The following SPATA18 variants were observed in gnomAD, a reference collection of about 807,000 sequenced individuals.
SPATA18 encodes the protein spermatogenesis associated 18.
In SPATA18, 54 loss-of-function variants were observed where a neutral mutation model predicts 68.1. The ratio of observed to expected loss-of-function variants is 0.79; its 90% CI spans 0.64 to 0.99. The LOEUF (loss-of-function observed/expected upper bound fraction) is 0.99. Ranked by LOEUF, SPATA18 falls within the 50% of genes least tolerant of loss-of-function variation. The pLI, the probability that SPATA18 is intolerant of heterozygous loss-of-function variation, is 0.00. For missense variants in SPATA18, 724 were observed against 681.1 expected, an observed-to-expected ratio of 1.06 and a Z score of -0.70; for synonymous variants, 242 against 244.8, an observed-to-expected ratio of 0.99 and a Z score of 0.11.
At chr4:52,052,291 C>T (rs1560576687) in intron 1 of SPATA18, among the ~76,000 whole-genome samples, 1 of 152,118 alleles carries the variant, frequency 6.6e-6, no homozygotes, top group Non-Finnish European at 1.5e-5. Context: ...ATCAGCGAAA[C>T]GGACACTTGT....
chr4:52,079,271 G>A (rs766148561), intron 8 of SPATA18, among the ~76,000 whole-genome samples: 4 of 152,074 alleles, frequency 2.6e-5, no homozygotes, highest in Non-Finnish European at 4.4e-5. Flanking sequence ...CCTTAAGTGG[G>A]AGTAACACTG....
chr4:52,065,129 G>A, intron 4 of SPATA18, among the ~76,000 whole-genome samples: 1 of 151,080 alleles, frequency 6.6e-6, no homozygotes, highest in Non-Finnish European at 1.5e-5. Context: ...TTTTTTTCTT[G>A]CTGATTTTTT....
intron 4 of SPATA18, among the ~76,000 whole-genome samples, chr4:52,065,073 C>T (rs1739208934): frequency 1.3e-5 from 2 of 151,912 alleles, no homozygotes; most frequent in African/African-American, 4.8e-5. Flanking sequence ...TGTGTATCTT[C>T]TTTTGAGAAT....
In SPATA18 at chr4:52,051,669, CA is replaced by C. The variant is rs1285419376; in HGVS notation, c.-35del. On this transcript the variant is annotated 5_prime_UTR_variant, in exon 1 of 13. Coordinates refer to ENST00000295213, the MANE Select transcript of SPATA18 (RefSeq NM_145263.4). Reference sequence around the variant, plus strand: ...CCACCGCCTGGTCCCCCCAAGTCTCCATCGCGCAGCGTGGGGCCGAGAGGAA... The same window carrying C: ...CCACCGCCTGGTCCCCCCAAGTCTCCTCGCGCAGCGTGGGGCCGAGAGGAA... The C allele has an allele frequency of 6.2e-7, 1 of 1,606,206 alleles. No individual in the cohort carries two copies. Among genetic ancestry groups the C allele is most frequent in the South Asian group, 1.1e-5 (1 of 90,932 alleles).
chr4:52,094,673 G>T (rs1742276592), intron 12 of SPATA18, 101 bp downstream of exon 12: 1 of 1,379,104 alleles, frequency 7.3e-7, no homozygotes, highest in African/African-American at 1.4e-5. Flanking sequence ...TTCCTAGAGA[G>T]CATCTTTTTC....
intron 6 of SPATA18, among the ~76,000 whole-genome samples, chr4:52,075,741 C>T (rs1201536577): frequency 1.3e-5 from 2 of 152,162 alleles, no homozygotes; most frequent in Non-Finnish European, 2.9e-5. Context: ...CTCTTTGGGC[C>T]GGCATCAGCG....
chr4:52,070,164 A>C (rs1739680744), intron 5 of SPATA18, among the ~76,000 whole-genome samples: 1 of 151,918 alleles, frequency 6.6e-6, no homozygotes, highest in South Asian at 2.1e-4. Flanking sequence ...GACTGTTACC[A>C]TTTTACATTC....
At chr4:52,055,586 G>C (rs574934654) in intron 1 of SPATA18, among the ~76,000 whole-genome samples, 1 of 152,190 alleles carries the variant, frequency 6.6e-6, no homozygotes, top group Non-Finnish European at 1.5e-5. Context: ...TGCTGTTTGA[G>C]ACTCACTAAA....
chr4:52,051,681 TG>T lies in SPATA18; in HGVS notation c.-20del. ...CCCCCCAAGTCTCCATCGCGCAGCGTGGGGCCGAGAGGAATAGTGAGCGATG... is the reference window on the plus strand; with the variant it reads ...CCCCCCAAGTCTCCATCGCGCAGCGTGGGCCGAGAGGAATAGTGAGCGATG... On this transcript the variant is annotated 5_prime_UTR_variant, in exon 1 of 13. Transcript: ENST00000295213. 2 of 1,612,802 alleles carry T rather than the reference TG, an allele frequency of 1.2e-6. 1 individual carries two copies. The highest frequency in any genetic ancestry group is 2.2e-5 in the South Asian group (2 of 91,042).
Position 52,079,914 on chromosome 4 carries a change from T to C in SPATA18, c.1350T>C (p.Asp450=). The C allele has an allele frequency of 6.2e-7, 1 of 1,611,984 alleles. No homozygotes were observed. Among genetic ancestry groups the C allele is most frequent in the Non-Finnish European group, 8.5e-7 (1 of 1,179,176 alleles). Residue 450 remains aspartate, a synonymous_variant, in exon 9 of 13, where the codon GAT becomes GAC. Coordinates refer to ENST00000295213, the MANE Select transcript of SPATA18 (RefSeq NM_145263.4). ...AYGADGEVFN[D]CKYRRSYDSD... Reference sequence around the variant, plus strand: ...GAGCAGATGGAGAAGTTTTTAATGATTGCAAGTAAGAGACACAGGAGCAGA... The same window carrying C: ...GAGCAGATGGAGAAGTTTTTAATGACTGCAAGTAAGAGACACAGGAGCAGA...
chr4:52,075,532 T>G (rs1318604815), intron 6 of SPATA18, among the ~76,000 whole-genome samples: 1 of 152,208 alleles, frequency 6.6e-6, no homozygotes, highest in Non-Finnish European at 1.5e-5. Context: ...TGGCCAGAAT[T>G]GATAGGCTGT....
rs146154258 is a variant in SPATA18 at position 52,071,925 on chromosome 4, C to A, written c.527C>A (p.Ser176Tyr). ...CTCTCTTTGCTGTTCAGGCTTAAAT[C>A]TCTTCAAGCTCAGGAGGATGCCCGC... is the stretch of plus-strand genomic sequence containing the variant. ...EINQLKKQLK[S>Y]LQAQEDARHR... The change falls in exon 6 of 13, where the codon TCT becomes TAT. Residue 176 changes from serine (S) to tyrosine (Y), a missense_variant. Transcript: ENST00000295213. 272 of 1,613,486 alleles carry A rather than the reference C, an allele frequency of 1.7e-4. No individual in the cohort carries two copies. The African/African-American group carries it at 3.1e-3, about 18-fold the overall frequency.
intron 11 of SPATA18, among the ~76,000 whole-genome samples, chr4:52,091,900 C>T (rs1741995141): frequency 6.6e-6 from 1 of 152,186 alleles, no homozygotes; most frequent in Non-Finnish European, 1.5e-5. Flanking sequence ...TACAGAGATG[C>T]CCTGTCCAAA....
intron 9 of SPATA18, among the ~76,000 whole-genome samples, chr4:52,080,722 A>G (rs371939480): frequency 6.6e-6 from 1 of 152,124 alleles, no homozygotes; most frequent in African/African-American, 2.4e-5. Context: ...TCTCTATCCA[A>G]TGGGGGCAAT....
chr4:52,074,915 A>C (rs1177678266), intron 6 of SPATA18, among the ~76,000 whole-genome samples: 1 of 152,234 alleles, frequency 6.6e-6, no homozygotes, highest in Non-Finnish European at 1.5e-5. Flanking sequence ...AGGCTCATCC[A>C]TAGAAAAGGA....
At chr4:52,074,607 A>T (rs17657770) in intron 6 of SPATA18, among the ~76,000 whole-genome samples, 18,910 of 152,176 alleles carry the variant, frequency 0.12, 1,455 homozygotes, top group South Asian at 0.28. Context: ...AGGCCTTACT[A>T]TACTGGTTTG....
Position 52,075,973 on chromosome 4 carries a change from G to A in SPATA18, c.759-806G>A, listed in dbSNP as rs561558347. Among the ~76,000 whole-genome samples the A allele has an allele frequency of 2.0e-5, 3 of 152,316 alleles. No individual in the cohort carries two copies. The South Asian group carries it at 6.2e-4, about 32-fold the overall frequency. On this transcript the variant is annotated intron_variant, in intron 6 of 12. Transcript: ENST00000295213. ...TCTTGAATGAACTTAGAGGGATCCA[G>A]GCTAAATGAACCCAAACTTGGATTA...
Position 52,060,990 on chromosome 4 carries a change from A to G in SPATA18, c.309+93A>G, listed in dbSNP as rs1162739367. 1.2e-5 allele frequency: 11 copies of G among 949,424 alleles called. No homozygotes were observed. In the South Asian group the frequency reaches 1.5e-4, roughly 13 times the overall value. The allele number at this position is 949,424 out of a possible 1,614,324, so 58.8% of individuals were successfully genotyped here. A position where few individuals can be genotyped will look rare whatever the true frequency, so the allele number is the denominator to read the frequency against. The stretch of plus-strand genomic sequence containing the variant: ...GAGAAGAAGAGGACTTGATTTTGGT[A>G]GACTGATAGAGTGTCACAATTTGTG... On this transcript the variant is annotated intron_variant, in intron 3 of 12. Transcript: ENST00000295213.
intron 12 of SPATA18, 129 bp downstream of exon 12, chr4:52,094,701 C>A: frequency 2.3e-6 from 3 of 1,279,362 alleles, no homozygotes; most frequent in South Asian, 2.5e-5. Context: ...TCACACCTTT[C>A]ATGTCTGGGC....
Sources: allele counts gnomAD v4.1 joint callset (sites outside exome capture counted in the v4.1 genomes callset), GRCh38; gene constraint gnomAD v4.1.1; transcripts MANE v1.5; gene names NCBI Gene and HGNC (gene_info 2026-07-23, HGNC 2026-07-21).